The following DGKB variants were observed in gnomAD, a reference collection of about 807,000 sequenced individuals.
The protein encoded by DGKB is 90 kDa diacylglycerol kinase.
A neutral mutation model predicts 114.3 loss-of-function variants in DGKB; 67 were observed. That is an observed-to-expected ratio of 0.59 (90% CI 0.48 to 0.72). DGKB has a LOEUF of 0.72. Among genes scored for constraint, DGKB ranks in the 30% least tolerant of loss-of-function variants. The pLI, the probability that DGKB is intolerant of heterozygous loss-of-function variation, is 0.00. For missense variants in DGKB, 907 were observed against 975.2 expected, an observed-to-expected ratio of 0.93 and a Z score of 0.93; for synonymous variants, 398 against 323.1, an observed-to-expected ratio of 1.23 and a Z score of -2.49.
intron 23 of DGKB, among the ~76,000 whole-genome samples, chr7:14,337,426 T>C (rs1367997524): frequency 3.9e-5 from 6 of 152,142 alleles, no homozygotes; most frequent in African/African-American, 1.2e-4. Flanking sequence ...CAAAACCACC[T>C]GTCATTGGCA....
At chr7:14,599,713 G>A (rs1265922939) in intron 17 of DGKB, among the ~76,000 whole-genome samples, 1 of 152,172 alleles carries the variant, frequency 6.6e-6, no homozygotes, top group East Asian at 1.9e-4. Context: ...TTTGTTCAGA[G>A]TGGATTGGCA....
chr7:14,305,038 T>G (rs1804237924), intron 23 of DGKB, among the ~76,000 whole-genome samples: 1 of 152,160 alleles, frequency 6.6e-6, no homozygotes, highest in Non-Finnish European at 1.5e-5. Flanking sequence ...ATGAGGTACA[T>G]ATGATATTTT....
chr7:14,776,312 G>A (rs1838172234), intron 2 of DGKB, among the ~76,000 whole-genome samples: 1 of 152,218 alleles, frequency 6.6e-6, no homozygotes, highest in Non-Finnish European at 1.5e-5. Context: ...CAAGCCAGCA[G>A]CAGAAATTTG....
chr7:14,595,183 T>G (rs1253669082), intron 17 of DGKB, among the ~76,000 whole-genome samples: 3 of 151,844 alleles, frequency 2.0e-5, no homozygotes, highest in Non-Finnish European at 1.5e-5. Flanking sequence ...AGAAATTGAG[T>G]GAAGGGTTGT....
chr7:14,631,263 C>CAAAAAAAA (rs35088925), intron 13 of DGKB, among the ~76,000 whole-genome samples: 12 of 98,396 alleles, frequency 1.2e-4, no homozygotes, highest in East Asian at 3.4e-4. Context: ...CAGCAAGAAC[C>CAAAAAAAA]AAAAAAAAAA....
intron 23 of DGKB, among the ~76,000 whole-genome samples, chr7:14,248,995 T>C (rs1794851623): frequency 6.6e-6 from 1 of 152,146 alleles, no homozygotes. Flanking sequence ...TGGCGTTTAT[T>C]ACGTTAATGA....
intron 23 of DGKB, among the ~76,000 whole-genome samples, chr7:14,178,586 TG>T (rs1782157275): frequency 6.6e-6 from 1 of 152,180 alleles, no homozygotes. Context: ...TTAAATTACT[TG>T]AACAAGAGAC....
chr7:14,540,310 A>AAAT (rs1346667358), intron 20 of DGKB, among the ~76,000 whole-genome samples: 3 of 152,152 alleles, frequency 2.0e-5, no homozygotes, highest in African/African-American at 7.2e-5. Flanking sequence ...CCTTTGGCAA[A>AAAT]AATAATAATA....
intron 1 of DGKB, among the ~76,000 whole-genome samples, chr7:14,942,917 T>C (rs1417004571): frequency 1.3e-5 from 2 of 151,996 alleles, no homozygotes; most frequent in Admixed American, 6.6e-5. Context: ...GATCTAGCAT[T>C]ATATGTGATT....
chr7:14,776,895 A>T (rs572082335), intron 2 of DGKB, among the ~76,000 whole-genome samples: 2 of 152,138 alleles, frequency 1.3e-5, no homozygotes. Flanking sequence ...ATGTGCCTGG[A>T]AAAGCCACAG....
chr7:14,867,924 A>C (rs1851913228), intron 1 of DGKB, among the ~76,000 whole-genome samples: 1 of 152,188 alleles, frequency 6.6e-6, no homozygotes, highest in Non-Finnish European at 1.5e-5. Context: ...AGCTTCAGCG[A>C]AGAATCCTGC....
chr7:14,398,190 T>A (rs1410144978), intron 21 of DGKB, among the ~76,000 whole-genome samples: 1 of 152,014 alleles, frequency 6.6e-6, no homozygotes, highest in African/African-American at 2.4e-5. Context: ...GTGAAGAGAA[T>A]AAAGATAGGA....
intron 2 of DGKB, among the ~76,000 whole-genome samples, chr7:14,823,636 T>C (rs956940743): frequency 6.6e-6 from 1 of 152,126 alleles, no homozygotes; most frequent in African/African-American, 2.4e-5. Context: ...AAACAATGTT[T>C]AGAATTTGTT....
intron 21 of DGKB, among the ~76,000 whole-genome samples, chr7:14,361,841 A>G (rs1157577510): frequency 1.3e-5 from 2 of 152,026 alleles, no homozygotes; most frequent in Non-Finnish European, 2.9e-5. Flanking sequence ...ACCATCAACA[A>G]ATAGCCAAAT....
chr7:14,651,760 AG>A lies in DGKB; in HGVS notation c.1134+21168del, dbSNP rs1374486060. Among the ~76,000 whole-genome samples, 6 of 148,238 alleles carry A rather than the reference AG, an allele frequency of 4.0e-5. No homozygotes were observed. In the Admixed American group the frequency reaches 4.1e-4, roughly 10 times the overall value. The stretch of plus-strand genomic sequence containing the variant: ...TATATCCAGAAAACCCCATTGTCTC[AG>A]CCCAAAATCTCCTTAAGCTGATAAG... On this transcript the variant is annotated intron_variant, in intron 13 of 25. Coordinates refer to ENST00000402815, the MANE Select transcript of DGKB (RefSeq NM_001350709.2).
chr7:14,829,662 T>A (rs983333611), intron 2 of DGKB, among the ~76,000 whole-genome samples: 4 of 152,118 alleles, frequency 2.6e-5, no homozygotes, highest in Non-Finnish European at 4.4e-5. Context: ...GTGTTATTTT[T>A]AAATTCTGAA....
At chr7:14,198,589 C>A (rs1053211603) in intron 23 of DGKB, among the ~76,000 whole-genome samples, 1 of 151,982 alleles carries the variant, frequency 6.6e-6, no homozygotes, top group Non-Finnish European at 1.5e-5. Flanking sequence ...AGAAAATAAG[C>A]CTGCCTGATC....
chr7:14,750,208 G>T (rs1490617611), intron 4 of DGKB: 1 of 510,910 alleles, frequency 2.0e-6, no homozygotes, highest in Admixed American at 2.0e-5. Context: ...TTATGTTATA[G>T]TTAAAGCATA....
At chr7:14,640,118 A>G (rs1336429573) in intron 13 of DGKB, among the ~76,000 whole-genome samples, 1 of 152,218 alleles carries the variant, frequency 6.6e-6, no homozygotes, top group Non-Finnish European at 1.5e-5. Flanking sequence ...AGTAAAAACA[A>G]TATTCACCTA....
Sources: allele counts gnomAD v4.1 joint callset (sites outside exome capture counted in the v4.1 genomes callset), GRCh38; gene constraint gnomAD v4.1.1; transcripts MANE v1.5; gene names NCBI Gene and HGNC (gene_info 2026-07-23, HGNC 2026-07-21).